Variants in RANBP2 observed in about 807,000 individuals in gnomAD.
RANBP2 encodes the protein E3 SUMO-protein ligase RanBP2.
Under a neutral mutation model 303.6 loss-of-function variants are expected in RANBP2, and 57 were observed. The observed-to-expected ratio is 0.19, with a 90% CI of 0.15 to 0.23. The LOEUF (loss-of-function observed/expected upper bound fraction) is 0.23. Among genes scored for constraint, RANBP2 ranks in the 10% least tolerant of loss-of-function variants. The pLI is 1.00. For synonymous variants in RANBP2, 1,167 were observed against 1,301.5 expected, an observed-to-expected ratio of 0.90 and a Z score of 2.23; for missense variants, 3,138 against 3,780.8, an observed-to-expected ratio of 0.83 and a Z score of 4.46.
At chr2:108,742,424 C>T (rs1265082774) in intron 7 of RANBP2, among the ~76,000 whole-genome samples, 1 of 152,144 alleles carries the variant, frequency 6.6e-6, no homozygotes, top group Non-Finnish European at 1.5e-5. Context: ...CTGCTTCAGC[C>T]TGTCACGTAT....
At chr2:109,073,543 C>T in the RANBP2 span, among the ~76,000 whole-genome samples, 34 of 149,214 alleles carry the variant, frequency 2.3e-4, no homozygotes, top group African/African-American at 6.5e-4. Context: ...GTGGCACGCA[C>T]CTGTAATCCC....
At chr2:108,876,210 G>T in the RANBP2 span, 6 of 1,612,686 alleles carry the variant, frequency 3.7e-6, no homozygotes, top group Admixed American at 1.7e-5. Flanking sequence ...TTCAATCTGG[G>T]TTTAACAAAA....
At chr2:109,144,312 G>A in the RANBP2 span, among the ~76,000 whole-genome samples, 2 of 152,162 alleles carry the variant, frequency 1.3e-5, no homozygotes, top group African/African-American at 4.8e-5. Flanking sequence ...TTATTTGTCT[G>A]TTATACCTCA....
At chr2:108,806,189 AG>A in the RANBP2 span, among the ~76,000 whole-genome samples, 1 of 152,182 alleles carries the variant, frequency 6.6e-6, no homozygotes, top group African/African-American at 2.4e-5. Context: ...TGAATTTGAC[AG>A]CCTGTTGTCT....
At chr2:109,323,748 CT>C in the RANBP2 span, among the ~76,000 whole-genome samples, 6 of 152,222 alleles carry the variant, frequency 3.9e-5, no homozygotes, top group Admixed American at 3.9e-4. Flanking sequence ...GAGGATGCTT[CT>C]CTAAGCTGTC....
chr2:109,018,929 G>C, the RANBP2 span, among the ~76,000 whole-genome samples: 122 of 152,334 alleles, frequency 8.0e-4, no homozygotes, highest in African/African-American at 2.9e-3. Context: ...CCAGGACAGT[G>C]GTGACACGTA....
At chr2:108,827,868 G>A in the RANBP2 span, among the ~76,000 whole-genome samples, 1 of 150,574 alleles carries the variant, frequency 6.6e-6, no homozygotes, top group Non-Finnish European at 1.5e-5. Context: ...CATACTTTTG[G>A]ATCACTGTTC....
At chr2:109,700,824 G>A in the RANBP2 span, among the ~76,000 whole-genome samples, 1 of 152,018 alleles carries the variant, frequency 6.6e-6, no homozygotes, top group Non-Finnish European at 1.5e-5. Context: ...CAACAGATCC[G>A]AGGAGTCAAT....
At chr2:109,101,529 A>G in the RANBP2 span, among the ~76,000 whole-genome samples, 12 of 152,166 alleles carry the variant, frequency 7.9e-5, no homozygotes, top group Non-Finnish European at 7.3e-5. Context: ...CTCTGTCTCA[A>G]AAAAACAAAA....
At chr2:109,571,235 T>C in the RANBP2 span, among the ~76,000 whole-genome samples, 1 of 152,232 alleles carries the variant, frequency 6.6e-6, no homozygotes, top group Middle Eastern at 3.2e-3. Context: ...ACCTCTTTTC[T>C]TCATAAATTA....
At chr2:108,958,981 T>C in the RANBP2 span, among the ~76,000 whole-genome samples, 1 of 152,232 alleles carries the variant, frequency 6.6e-6, no homozygotes, top group African/African-American at 2.4e-5. Context: ...GTGGCCTCCA[T>C]GGCTAGTGGC....
the RANBP2 span, among the ~76,000 whole-genome samples, chr2:109,709,690 C>G: frequency 6.6e-6 from 1 of 152,252 alleles, no homozygotes; most frequent in South Asian, 2.1e-4. Flanking sequence ...GCCCTCAGCT[C>G]TAGCACATTA....
the RANBP2 span, among the ~76,000 whole-genome samples, chr2:109,271,616 G>T: frequency 6.6e-6 from 1 of 152,238 alleles, no homozygotes; most frequent in African/African-American, 2.4e-5. Flanking sequence ...CAACAATGGG[G>T]TGAGGCCCCG....
chr2:109,578,383 T>C, the RANBP2 span, among the ~76,000 whole-genome samples: 1 of 152,266 alleles, frequency 6.6e-6, no homozygotes, highest in African/African-American at 2.4e-5. Context: ...AATACTGACA[T>C]GGAAGCATTA....
At chr2:108,794,773 C>T in the RANBP2 span, 1 of 1,374,264 alleles carries the variant, frequency 7.3e-7, no homozygotes, top group East Asian at 2.4e-5. Flanking sequence ...GTTCTAAGAA[C>T]CAAGCATTTA....
At chr2:108,815,461 GTTTTTTTTTTTT>G in the RANBP2 span, among the ~76,000 whole-genome samples, 26 of 70,742 alleles carry the variant, frequency 3.7e-4, 1 homozygote, top group Middle Eastern at 0.02. Flanking sequence ...GGTTTTTGGT[GTTTTTTTTTTTT>G]TTTTTTTTTT....
the RANBP2 span, among the ~76,000 whole-genome samples, chr2:109,432,219 C>T: frequency 1.3e-5 from 2 of 152,160 alleles, no homozygotes; most frequent in African/African-American, 4.8e-5. Flanking sequence ...AGCTGCCTTC[C>T]TATCTGTCAG....
At chr2:109,686,355 C>T in the RANBP2 span, among the ~76,000 whole-genome samples, 1 of 152,174 alleles carries the variant, frequency 6.6e-6, no homozygotes, top group Admixed American at 6.5e-5. Context: ...TACTCTGCCG[C>T]CCAGGCTGGA....
At chr2:108,977,295 G>C in the RANBP2 span, among the ~76,000 whole-genome samples, 1 of 152,078 alleles carries the variant, frequency 6.6e-6, no homozygotes, top group African/African-American at 2.4e-5. Context: ...TTGAGATGGA[G>C]TCTCGCTCTG....
Sources: gnomAD v4.1 joint callset for allele counts (sites outside exome capture counted in the v4.1 genomes callset) on GRCh38, gnomAD v4.1.1 for gene constraint, MANE v1.5 for transcripts, NCBI Gene and HGNC (gene_info 2026-07-23, HGNC 2026-07-21) for gene names.